Variants in TDRD7 observed in about 807,000 individuals in gnomAD.
TDRD7 encodes the protein tudor domain containing 7.
A neutral mutation model predicts 109.8 loss-of-function variants in TDRD7; 47 were observed. The observed-to-expected ratio is 0.43, with a 90% CI of 0.34 to 0.55. TDRD7 has a LOEUF of 0.55. Among genes scored for constraint, TDRD7 ranks in the 20% least tolerant of loss-of-function variants. The pLI is 0.03. For missense variants in TDRD7, 1,164 were observed against 1,319.2 expected (o/e 0.88, Z 1.82); for synonymous variants, 424 against 457.3 (o/e 0.93, Z 0.93).
chr9:97,478,128 G>A (rs983220566), intron 12 of TDRD7, among the ~76,000 whole-genome samples: 1 of 152,058 alleles, frequency 6.6e-6, no homozygotes, highest in African/African-American at 2.4e-5. Context: ...GGTTGTGGTG[G>A]TGGGCACCTG....
At position 97,430,918 on chromosome 9, in the gene TDRD7, G is replaced by T. The variant is rs1333300488; in HGVS notation, c.208-15G>T. 1.9e-6 allele frequency: 3 copies of T among 1,613,602 alleles called. No homozygotes were observed. Among genetic ancestry groups the T allele is most frequent in the East Asian group, 4.5e-5 (2 of 44,856 alleles). The stretch of plus-strand genomic sequence containing the variant: ...TGAGAAATGTTTCTCCTCTTACCCT[G>T]CCTCTAATGAATAGATTACCTGCTA... On this transcript the variant is annotated splice_polypyrimidine_tract_variant and intron_variant, in intron 2 of 16. Transcript: ENST00000355295.
chr9:97,428,737 C>T (rs968399939), intron 2 of TDRD7, 65 bp downstream of exon 2: 1 of 1,437,038 alleles, frequency 7.0e-7, no homozygotes, highest in Non-Finnish European at 9.7e-7. Flanking sequence ...CTGGCACTTC[C>T]AATCTCCTAC....
Position 97,476,453 on chromosome 9 carries a change from C to T in TDRD7, c.2166+984C>T, listed in dbSNP as rs1445222075. Among the ~76,000 whole-genome samples the T allele has an allele frequency of 2.7e-4, 41 of 151,600 alleles. 1 individual carries two copies. Among genetic ancestry groups the T allele is most frequent in the Admixed American group, 2.6e-3 (40 of 15,192 alleles). ...TCTTCATCTAGTTTGAGGTGGCACA[C>T]ACCTATAATCCCAGCACTTTGGGAG... On this transcript the variant is annotated intron_variant, in intron 12 of 16. Transcript: ENST00000355295.
chr9:97,418,122 C>T (rs540500533), intron 1 of TDRD7, among the ~76,000 whole-genome samples: 2 of 152,152 alleles, frequency 1.3e-5, no homozygotes, highest in South Asian at 4.2e-4. Context: ...AAGACTCTAT[C>T]TGGGGGAAAA....
At chr9:97,484,519 A>C (rs1196288313) in intron 15 of TDRD7, among the ~76,000 whole-genome samples, 1 of 151,908 alleles carries the variant, frequency 6.6e-6, no homozygotes, top group Admixed American at 6.6e-5. Flanking sequence ...AAAAGGTCAA[A>C]CTGCTTATTT....
At chr9:97,415,310 G>A (rs1318378238) in intron 1 of TDRD7, among the ~76,000 whole-genome samples, 1 of 152,200 alleles carries the variant, frequency 6.6e-6, no homozygotes, top group African/African-American at 2.4e-5. Flanking sequence ...TCAGCTAAAG[G>A]CCTTTGACAC....
chr9:97,462,928 T>TC (rs1387008893), intron 7 of TDRD7, among the ~76,000 whole-genome samples: 1 of 152,238 alleles, frequency 6.6e-6, no homozygotes. Context: ...GACCACCACA[T>TC]CAGGGCTGCA....
intron 1 of TDRD7, among the ~76,000 whole-genome samples, chr9:97,424,667 T>C (rs1338780573): frequency 6.6e-6 from 1 of 152,192 alleles, no homozygotes; most frequent in Non-Finnish European, 1.5e-5. Context: ...TTTTAACCTA[T>C]GCATTCATAT....
chr9:97,438,133 C>G (rs1385351535), intron 4 of TDRD7, among the ~76,000 whole-genome samples: 1 of 152,160 alleles, frequency 6.6e-6, no homozygotes, highest in Non-Finnish European at 1.5e-5. Flanking sequence ...GGAAGGAGTA[C>G]TATCTCCCTA....
intron 6 of TDRD7, among the ~76,000 whole-genome samples, chr9:97,457,387 T>C (rs4743096): frequency 0.54 from 80,818 of 151,030 alleles, 21,695 homozygotes; most frequent in African/African-American, 0.6. Flanking sequence ...TATATATATA[T>C]TTTTTTTTTG....
intron 1 of TDRD7, among the ~76,000 whole-genome samples, chr9:97,420,685 G>A (rs1476902176): frequency 6.6e-6 from 1 of 152,096 alleles, no homozygotes. Context: ...CCTTTTGATA[G>A]ACATTTTGAT....
intron 10 of TDRD7, 126 bp from the exon 11 acceptor site, chr9:97,473,366 A>G: frequency 1.6e-6 from 2 of 1,279,658 alleles, no homozygotes; most frequent in Non-Finnish European, 2.3e-6. Flanking sequence ...CATCTTACAT[A>G]TACTCTAACT....
At chr9:97,468,807 G>T (rs1828863685) in intron 8 of TDRD7, among the ~76,000 whole-genome samples, 1 of 152,146 alleles carries the variant, frequency 6.6e-6, no homozygotes, top group Admixed American at 6.5e-5. Flanking sequence ...ACCAGGAATG[G>T]ACTGGGGCCT....
At position 97,460,372 on chromosome 9, in the gene TDRD7, G is replaced by A. The variant is rs140062881; in HGVS notation, c.1050G>A (p.Val350=). 2 of 1,614,082 alleles carry A rather than the reference G, an allele frequency of 1.2e-6. No homozygotes were observed. The highest frequency in any genetic ancestry group is 1.7e-6 in the Non-Finnish European group (2 of 1,180,038). Residue 350 remains valine (V), a synonymous_variant, in exon 7 of 17, where the codon GTG becomes GTA. Transcript: ENST00000355295. ...DFKEKVADLL[V]KYTSGLWASA... is the part of the protein sequence containing the mutation. ...AAGAAAAAGTGGCAGACCTGCTGGT[G>A]AAATACACAAGTGGCCTTTGGGCCA...
At chr9:97,420,309 G>A (rs1827877405) in intron 1 of TDRD7, among the ~76,000 whole-genome samples, 1 of 132,264 alleles carries the variant, frequency 7.6e-6, no homozygotes, top group African/African-American at 2.8e-5. Flanking sequence ...GGCAGTGTGT[G>A]TATGAACCAG....
intron 2 of TDRD7, among the ~76,000 whole-genome samples, chr9:97,429,576 T>G (rs1236190052): frequency 6.6e-6 from 1 of 152,148 alleles, no homozygotes; most frequent in Non-Finnish European, 1.5e-5. Context: ...AAAGGGGAAG[T>G]TCACCTTGTA....
intron 16 of TDRD7, among the ~76,000 whole-genome samples, chr9:97,494,494 C>T (rs1829361382): frequency 6.6e-6 from 1 of 152,076 alleles, no homozygotes; most frequent in African/African-American, 2.4e-5. Flanking sequence ...AGGGCTGCTG[C>T]AGATAAAATG....
chr9:97,490,955 A>C, intron 16 of TDRD7, among the ~76,000 whole-genome samples: 1 of 118,132 alleles, frequency 8.5e-6, no homozygotes, highest in Non-Finnish European at 1.6e-5. Context: ...TTGCTCTGTC[A>C]CCCACACTGG....
chr9:97,420,262 A>G (rs1356770595), intron 1 of TDRD7, among the ~76,000 whole-genome samples: 2 of 151,856 alleles, frequency 1.3e-5, no homozygotes, highest in Non-Finnish European at 2.9e-5. Context: ...AATAATCCAT[A>G]GTGACAGAAA....
Sources: allele counts gnomAD v4.1 joint callset (sites outside exome capture counted in the v4.1 genomes callset), GRCh38; gene constraint gnomAD v4.1.1; transcripts MANE v1.5; gene names NCBI Gene and HGNC (gene_info 2026-07-23, HGNC 2026-07-21).